USP10: variants seen among roughly 807,000 people sequenced by gnomAD.
USP10 encodes ubiquitin carboxyl-terminal hydrolase 10.
Under a neutral mutation model 84.5 loss-of-function variants are expected in USP10, and 22 were observed. The ratio of observed to expected loss-of-function variants is 0.26; its 90% confidence interval spans 0.19 to 0.37. The LOEUF (loss-of-function observed/expected upper bound fraction) is 0.37, where lower values mean the gene tolerates loss of function less well. USP10 is among the 10% of genes least tolerant of loss of function. The probability of loss-of-function intolerance (pLI) is 1.00; values close to 1 mark genes in which losing one functional copy is unlikely to be tolerated. For missense variants in USP10, 1,019 were observed against 998.9 expected (o/e 1.02, Z -0.27); for synonymous variants, 454 against 387.6 (o/e 1.17, Z -2.01).
At chr16:84,709,856 A>C (rs1906047871) in intron 1 of USP10, among the ~76,000 whole-genome samples, 1 of 152,136 alleles carries the variant, frequency 6.6e-6, no homozygotes, top group Admixed American at 6.5e-5. Context: ...GAAACAGATA[A>C]ATTTGTGGCT....
chr16:84,738,746 C>A (rs1910251008), intron 2 of USP10, among the ~76,000 whole-genome samples: 1 of 152,192 alleles, frequency 6.6e-6, no homozygotes, highest in Non-Finnish European at 1.5e-5. Flanking sequence ...TGTCATAATT[C>A]TCTGGGAAGA....
intron 1 of USP10, chr16:84,708,751 A>G (rs569377658): frequency 3.3e-5 from 5 of 152,382 alleles, no homozygotes; most frequent in African/African-American, 1.2e-4. Context: ...TTGTAATAGA[A>G]TGCAAAATCG....
At chr16:84,725,013 CT>C (rs992020949) in intron 1 of USP10, among the ~76,000 whole-genome samples, 1 of 152,018 alleles carries the variant, frequency 6.6e-6, no homozygotes, top group Non-Finnish European at 1.5e-5. Context: ...AAGTACTGAC[CT>C]TTTTTAAAAC....
At chr16:84,775,475 G>C (rs1205148600) in intron 13 of USP10, among the ~76,000 whole-genome samples, 1 of 152,250 alleles carries the variant, frequency 6.6e-6, no homozygotes. Flanking sequence ...CTTTGAGTCA[G>C]AGGAGGGAGT....
intron 10 of USP10, among the ~76,000 whole-genome samples, chr16:84,764,920 C>CGA (rs1450932482): frequency 1.8e-5 from 1 of 55,046 alleles, no homozygotes; most frequent in Non-Finnish European, 3.2e-5. Flanking sequence ...ACAATAACCA[C>CGA]GAGAGAGAGA....
intron 1 of USP10, among the ~76,000 whole-genome samples, chr16:84,703,080 G>C (rs1359899732): frequency 6.7e-6 from 1 of 148,602 alleles, no homozygotes; most frequent in Non-Finnish European, 1.5e-5. Flanking sequence ...CCAAATATTA[G>C]AAAGTGTTGG....
At chr16:84,718,821 C>G (rs1332374604) in intron 1 of USP10, among the ~76,000 whole-genome samples, 1 of 151,734 alleles carries the variant, frequency 6.6e-6, no homozygotes, top group Non-Finnish European at 1.5e-5. Flanking sequence ...GAGAAGGAGT[C>G]TTTCTCTGTC....
At chr16:84,768,143 G>A in intron 10 of USP10, 50 bp from the exon 11 acceptor site, 1 of 1,505,006 alleles carries the variant, frequency 6.6e-7, no homozygotes, top group Non-Finnish European at 8.9e-7. Context: ...TTAAGGGAAA[G>A]TGGCAAGGAG....
At chr16:84,764,401 C>G (rs1913583829) in intron 10 of USP10, 138 bp downstream of exon 10, 1 of 1,153,540 alleles carries the variant, frequency 8.7e-7, no homozygotes, top group East Asian at 2.4e-5. Flanking sequence ...CTGCTCTTCT[C>G]TTGCACTTCC....
At chr16:84,746,165 GA>G (rs35793850) in intron 4 of USP10, among the ~76,000 whole-genome samples, 104,735 of 151,752 alleles carry the variant, frequency 0.69, 37,045 homozygotes, top group East Asian at 0.95. Flanking sequence ...CTCTTGAAGA[GA>G]AAAAAAATGT....
At chr16:84,767,785 A>T (rs1261901478) in intron 10 of USP10, among the ~76,000 whole-genome samples, 3 of 136,966 alleles carry the variant, frequency 2.2e-5, no homozygotes, top group Non-Finnish European at 1.7e-5. Flanking sequence ...TATTTTTTTT[A>T]ATTTATTTTT....
intron 4 of USP10, among the ~76,000 whole-genome samples, chr16:84,749,677 A>G (rs555803278): frequency 2.0e-5 from 3 of 152,220 alleles, no homozygotes; most frequent in East Asian, 1.9e-4. Context: ...TATTTCCCCT[A>G]TTGTTAAGTC....
chr16:84,770,633 A>G (rs909848852), intron 11 of USP10, among the ~76,000 whole-genome samples: 3 of 151,830 alleles, frequency 2.0e-5, no homozygotes, highest in African/African-American at 2.4e-5. Flanking sequence ...TTAGCCGGGC[A>G]TGGTGGCAGG....
chr16:84,704,620 G>C (rs1349882582), intron 1 of USP10: 4 of 1,249,024 alleles, frequency 3.2e-6, no homozygotes, highest in African/African-American at 3.0e-5. Flanking sequence ...GTAGCCCTTG[G>C]GGTATGTGTA....
At chr16:84,772,406 G>GTATCATTA in intron 11 of USP10, 135 bp from the exon 12 acceptor site, 1 of 1,245,316 alleles carries the variant, frequency 8.0e-7, no homozygotes, top group East Asian at 2.4e-5. Flanking sequence ...TGTGGGGCAG[G>GTATCATTA]AAAAGCCATG....
At chr16:84,702,137 A>T (rs1456216122) in intron 1 of USP10, among the ~76,000 whole-genome samples, 4 of 135,042 alleles carry the variant, frequency 3.0e-5, no homozygotes, top group Admixed American at 8.6e-5. Context: ...GCCCACTGCA[A>T]CCTCTGCCTC....
chr16:84,735,338 A>T (rs1456022964), intron 2 of USP10, among the ~76,000 whole-genome samples: 1 of 152,052 alleles, frequency 6.6e-6, no homozygotes. Context: ...GTGTGTACAC[A>T]TGTGGATGGG....
chr16:84,732,428 A>G (rs1417982258), intron 1 of USP10: 2 of 401,870 alleles, frequency 5.0e-6, no homozygotes, highest in East Asian at 7.9e-5. Context: ...ATTCTTCTCA[A>G]TGACTTCTTC....
intron 3 of USP10, among the ~76,000 whole-genome samples, chr16:84,740,583 G>A (rs567297881): frequency 6.6e-6 from 1 of 152,380 alleles, no homozygotes; most frequent in East Asian, 1.9e-4. Flanking sequence ...AGCCATGTAA[G>A]ATTTAGTTTA....
Sources: gnomAD v4.1 joint callset for allele counts (sites outside exome capture counted in the v4.1 genomes callset) on GRCh38, gnomAD v4.1.1 for gene constraint, MANE v1.5 for transcripts, NCBI Gene and HGNC (gene_info 2026-07-23, HGNC 2026-07-21) for gene names.